The following PHF8 variants were observed in gnomAD, a reference collection of about 807,000 sequenced individuals.
PHF8 encodes PHD finger protein 8, also known as histone lysine demethylase PHF8.
In PHF8, 9 loss-of-function variants were observed where a neutral mutation model predicts 74.4. That is an observed-to-expected ratio of 0.12 (90% CI 0.07 to 0.21). The LOEUF (loss-of-function observed/expected upper bound fraction) is 0.21. Ranked by LOEUF, PHF8 falls within the 10% of genes least tolerant of loss-of-function variation. PHF8 has a pLI of 1.00. For synonymous variants in PHF8, 311 were observed against 316.6 expected, an observed-to-expected ratio of 0.98 and a Z score of 0.19; for missense variants, 478 against 816.6, an observed-to-expected ratio of 0.59 and a Z score of 5.05.
intron 19 of PHF8, among the ~76,000 whole-genome samples, chrX:53,956,181 C>T (rs1379019879): frequency 9.0e-6 from 1 of 111,311 alleles, no homozygotes; most frequent in African/African-American, 3.3e-5. Flanking sequence ...ACCTGGGAGG[C>T]GGAGGTTGTA....
At chrX:53,947,635 T>TGTA (rs1434873454) in intron 19 of PHF8, among the ~76,000 whole-genome samples, 1 of 112,279 alleles carries the variant, frequency 8.9e-6, no homozygotes, top group Non-Finnish European at 1.9e-5. Context: ...CCTTTCCTAC[T>TGTA]GATAGGTGAG....
chrX:53,939,375 T>C, intron 21 of PHF8, 129 bp from the exon 22 acceptor site: 3 of 506,338 alleles, frequency 5.9e-6, no homozygotes, highest in Non-Finnish European at 9.9e-6. Context: ...CCTTAGACCA[T>C]ATTGGGCAGG....
intron 4 of PHF8, among the ~76,000 whole-genome samples, chrX:54,020,209 A>C (rs782311478): frequency 0.014 from 1,562 of 112,308 alleles, 19 homozygotes; most frequent in African/African-American, 0.049. Context: ...TAAATAAAAT[A>C]AAACAAACAA....
intron 4 of PHF8, among the ~76,000 whole-genome samples, chrX:54,021,361 G>A (rs1557109773): frequency 9.1e-6 from 1 of 109,766 alleles, no homozygotes; most frequent in Non-Finnish European, 1.9e-5. Flanking sequence ...TTGGGTGATG[G>A]GACCATTTGC....
At chrX:54,002,760 A>C in intron 8 of PHF8, 78 bp from the exon 9 acceptor site, 5 of 654,506 alleles carry the variant, frequency 7.6e-6, no homozygotes, top group South Asian at 2.3e-5. Flanking sequence ...TACTCATCTC[A>C]AACCCAACTC....
At chrX:53,950,126 T>C (rs2064900689) in intron 19 of PHF8, among the ~76,000 whole-genome samples, 1 of 111,462 alleles carries the variant, frequency 9.0e-6, no homozygotes, top group South Asian at 3.8e-4. Context: ...ACAATGAGCT[T>C]TGTGCATTTT....
At chrX:54,008,371 CAAAAAA>C (rs34539175) in intron 8 of PHF8, among the ~76,000 whole-genome samples, 1 of 36,232 alleles carries the variant, frequency 2.8e-5, no homozygotes, top group African/African-American at 1.2e-4. Context: ...AATACTCCGT[CAAAAAA>C]AAAAAAAAAA....
chrX:54,002,111 C>G, intron 10 of PHF8, 44 bp downstream of exon 10: 3 of 701,412 alleles, frequency 4.3e-6, no homozygotes, highest in Non-Finnish European at 7.0e-6. Flanking sequence ...CTCATTCACT[C>G]AGGGGAGAGG....
chrX:53,939,705 C>T (rs1336197161), intron 21 of PHF8, among the ~76,000 whole-genome samples: 1 of 110,877 alleles, frequency 9.0e-6, no homozygotes, highest in Non-Finnish European at 1.9e-5. Flanking sequence ...ACCTCCATGC[C>T]CTTGAGCTGC....
chrX:54,020,222 A>C (rs1200997547), intron 4 of PHF8, among the ~76,000 whole-genome samples: 10 of 112,259 alleles, frequency 8.9e-5, no homozygotes, highest in Non-Finnish European at 1.9e-4. Context: ...ACAAACAAAC[A>C]AACAAATATT....
intron 20 of PHF8, among the ~76,000 whole-genome samples, chrX:53,940,735 CTTA>C (rs1460814955): frequency 8.9e-6 from 1 of 112,103 alleles, no homozygotes; most frequent in Non-Finnish European, 1.9e-5. Flanking sequence ...ACCACTGTCA[CTTA>C]TTAGTACAGT....
chrX:53,949,632 G>C lies in PHF8; in HGVS notation c.2540-5389C>G, dbSNP rs1006591346. Among the ~76,000 whole-genome samples, 3 of 108,707 alleles carry C rather than the reference G, an allele frequency of 2.8e-5. No individual in the cohort carries two copies. The Admixed American group carries it at 3.0e-4, about 11-fold the overall frequency. The allele number at this position is 108,707 out of a possible 115,157, so 94.4% of individuals were successfully genotyped here. ...TCAAGACCATCCTGGCTAACACAGT[G>C]AAACCCCGTCTCTACTAAAAATACA... On this transcript the variant is annotated intron_variant, in intron 19 of 21. Transcript: ENST00000338154.
chrX:53,994,036 C>T (rs993929435), intron 12 of PHF8, 133 bp from the exon 13 acceptor site: 3 of 478,750 alleles, frequency 6.3e-6, no homozygotes, highest in South Asian at 6.4e-5. Flanking sequence ...ATATGCACAC[C>T]CTAGCTTTTA....
At chrX:53,977,897 C>T (rs1385065733) in intron 18 of PHF8, among the ~76,000 whole-genome samples, 1 of 106,759 alleles carries the variant, frequency 9.4e-6, no homozygotes, top group Non-Finnish European at 1.9e-5. Flanking sequence ...CCACCCACCT[C>T]GGCCTCCCAA....
intron 20 of PHF8, chrX:53,943,201 A>G (rs2064778781): frequency 5.4e-6 from 5 of 923,217 alleles, no homozygotes; most frequent in Non-Finnish European, 7.1e-6. Flanking sequence ...GGATATACAT[A>G]AGAGACAGAA....
At chrX:53,943,248 T>A in intron 20 of PHF8, 1 of 951,585 alleles carries the variant, frequency 1.1e-6, no homozygotes, top group Non-Finnish European at 1.4e-6. Flanking sequence ...ATTTAAACAC[T>A]ATTTAAATAG....
At chrX:53,960,055 T>C (rs1005593931) in intron 19 of PHF8, among the ~76,000 whole-genome samples, 14 of 108,924 alleles carry the variant, frequency 1.3e-4, no homozygotes, top group Non-Finnish European at 2.3e-4. Context: ...ACATTGCTTT[T>C]CCTCCTAAAT....
intron 2 of PHF8, among the ~76,000 whole-genome samples, chrX:54,026,229 C>G (rs2066264269): frequency 9.2e-6 from 1 of 109,244 alleles, no homozygotes; most frequent in South Asian, 4.0e-4. Context: ...TGGTGGGCGC[C>G]TATAATTCCA....
intron 2 of PHF8, 24 bp downstream of exon 2, chrX:54,042,607 T>G: frequency 6.8e-6 from 8 of 1,184,949 alleles, no homozygotes; most frequent in Non-Finnish European, 9.2e-6. Context: ...CCGCACCCTG[T>G]GTAGCCTGGC....
Sources: allele counts gnomAD v4.1 joint callset (sites outside exome capture counted in the v4.1 genomes callset), GRCh38; gene constraint gnomAD v4.1.1; transcripts MANE v1.5; gene names NCBI Gene and HGNC (gene_info 2026-07-23, HGNC 2026-07-21).